ADAMTS16: variants seen among roughly 807,000 people sequenced by gnomAD.
The protein encoded by ADAMTS16 is A disintegrin and metalloproteinase with thrombospondin motifs 16.
Under a neutral mutation model 145.8 loss-of-function variants are expected in ADAMTS16, and 94 were observed. The ratio of observed to expected loss-of-function variants is 0.64; its 90% confidence interval spans 0.55 to 0.77. ADAMTS16 has a LOEUF of 0.77. Among genes scored for constraint, ADAMTS16 ranks in the 30% least tolerant of loss-of-function variants. The pLI is 0.00. For synonymous variants in ADAMTS16, 659 were observed against 604.3 expected (o/e 1.09, Z -1.33); for missense variants, 1,585 against 1,591.5 (o/e 1.00, Z 0.07).
Position 5,303,744 on chromosome 5 carries a change from G to A in ADAMTS16, c.3164G>A (p.Trp1055Ter). 1 of 1,613,190 alleles carries A rather than the reference G, an allele frequency of 6.2e-7. No homozygotes were observed. Among genetic ancestry groups the A allele is most frequent in the Non-Finnish European group, 8.5e-7 (1 of 1,180,004 alleles). ...TGCCACAAGCCCAAGAAGCTGCAGT[G>A]GCTGGTGTCCGCCTGGTCCCAGGTA... ...QRCHKPKKLQ[W>*]LVSAWSQCSV... The change falls in exon 20 of 23, where the codon TGG becomes TAG. Residue 1055 changes from tryptophan (W) to a stop codon, truncating the protein, a stop_gained. Coordinates refer to ENST00000274181, the MANE Select transcript of ADAMTS16 (RefSeq NM_139056.4). LOFTEE classifies it high-confidence loss of function.
chr5:5,228,752 A>G (rs1019245796), intron 11 of ADAMTS16, among the ~76,000 whole-genome samples: 1 of 152,238 alleles, frequency 6.6e-6, no homozygotes, highest in African/African-American at 2.4e-5. Flanking sequence ...TTCCCTTAGA[A>G]GCAAAATTTA....
intron 4 of ADAMTS16, among the ~76,000 whole-genome samples, chr5:5,183,523 G>A (rs895579814): frequency 6.6e-6 from 1 of 152,214 alleles, no homozygotes; most frequent in African/African-American, 2.4e-5. Flanking sequence ...ATCTCAGCAG[G>A]AGAGATAGCA....
At chr5:5,292,476 T>G (rs1739366411) in intron 18 of ADAMTS16, among the ~76,000 whole-genome samples, 1 of 151,214 alleles carries the variant, frequency 6.6e-6, no homozygotes, top group Non-Finnish European at 1.5e-5. Context: ...CCAGCCTGTG[T>G]GACAGAGTGG....
chr5:5,196,405 G>A (rs1421532008), intron 8 of ADAMTS16, among the ~76,000 whole-genome samples: 1 of 152,238 alleles, frequency 6.6e-6, no homozygotes, highest in African/African-American at 2.4e-5. Context: ...ACCAGTCTGG[G>A]CCTCTTCCAG....
rs1344625234 is a variant in ADAMTS16 at position 5,305,009 on chromosome 5, C to T, written c.3186+1243C>T. ...CTACACCACACACACACACACATCCCACACCACACACACACACACACATCC... is the reference window on the plus strand; with the variant it reads ...CTACACCACACACACACACACATCCTACACCACACACACACACACACATCC... On this transcript the variant is annotated intron_variant, in intron 20 of 22. Coordinates refer to ENST00000274181, the MANE Select transcript of ADAMTS16 (RefSeq NM_139056.4). Among the ~76,000 whole-genome samples, 52 of 70,670 alleles carry T rather than the reference C, an allele frequency of 7.4e-4. 1 individual carries two copies. The highest frequency in any genetic ancestry group is 1.0e-3 in the South Asian group (2 of 1,944). 46.4% of individuals were successfully genotyped at this position (70,670 alleles called of 152,430 possible).
intron 3 of ADAMTS16, among the ~76,000 whole-genome samples, chr5:5,172,163 G>A (rs1052986772): frequency 6.6e-6 from 1 of 151,762 alleles, no homozygotes; most frequent in African/African-American, 2.4e-5. Context: ...CTAGCTAAAG[G>A]TTCATCAATT....
intron 18 of ADAMTS16, among the ~76,000 whole-genome samples, chr5:5,302,102 T>C (rs921451055): frequency 2.0e-5 from 3 of 152,166 alleles, no homozygotes; most frequent in Non-Finnish European, 2.9e-5. Flanking sequence ...CCCCTTCCTC[T>C]TGACGGCCTC....
At chr5:5,250,707 C>CTGTGTGTGTGTGTGTG (rs763835441) in intron 17 of ADAMTS16, among the ~76,000 whole-genome samples, 2,442 of 148,592 alleles carry the variant, frequency 0.016, 47 homozygotes, top group Admixed American at 0.05. Flanking sequence ...TGTCTCTTCT[C>CTGTGTGTGTGTGTGTG]TCTGTGTGTG....
chr5:5,170,115 G>A (rs1289873180), intron 3 of ADAMTS16, among the ~76,000 whole-genome samples: 1 of 152,030 alleles, frequency 6.6e-6, no homozygotes, highest in Non-Finnish European at 1.5e-5. Context: ...GTTTTTTGAG[G>A]AATCTCCGAA....
intron 10 of ADAMTS16, among the ~76,000 whole-genome samples, chr5:5,217,819 C>T (rs1736479154): frequency 6.6e-6 from 1 of 152,162 alleles, no homozygotes; most frequent in Non-Finnish European, 1.5e-5. Flanking sequence ...CTTTTCTGCC[C>T]AAGTTAGGTA....
intron 9 of ADAMTS16, among the ~76,000 whole-genome samples, chr5:5,205,482 A>T (rs1277466281): frequency 6.6e-6 from 1 of 152,188 alleles, no homozygotes; most frequent in African/African-American, 2.4e-5. Flanking sequence ...TGGTCGATTG[A>T]TTATAAAATG....
At chr5:5,227,318 T>G (rs991418627) in intron 11 of ADAMTS16, among the ~76,000 whole-genome samples, 2 of 152,254 alleles carry the variant, frequency 1.3e-5, no homozygotes, top group South Asian at 4.1e-4. Flanking sequence ...GGCATCTTAC[T>G]CTCTAAGATA....
At chr5:5,216,602 T>C (rs1736447348) in intron 10 of ADAMTS16, among the ~76,000 whole-genome samples, 1 of 125,656 alleles carries the variant, frequency 8.0e-6, no homozygotes, top group Non-Finnish European at 1.6e-5. Flanking sequence ...ATTCTTTTTT[T>C]TTTTCTATTT....
chr5:5,232,048 G>T (rs182744666), intron 11 of ADAMTS16, among the ~76,000 whole-genome samples: 1 of 152,294 alleles, frequency 6.6e-6, no homozygotes, highest in Non-Finnish European at 1.5e-5. Context: ...CGACTTGGGA[G>T]TTGAACAGCC....
At chr5:5,222,001 T>G (rs1736618198) in intron 10 of ADAMTS16, among the ~76,000 whole-genome samples, 1 of 152,234 alleles carries the variant, frequency 6.6e-6, no homozygotes, top group African/African-American at 2.4e-5. Flanking sequence ...CATGTCCAGT[T>G]GAGTCTACCG....
intron 13 of ADAMTS16, among the ~76,000 whole-genome samples, chr5:5,235,693 C>A (rs1328338109): frequency 6.6e-6 from 1 of 152,098 alleles, no homozygotes; most frequent in Non-Finnish European, 1.5e-5. Context: ...AGACTTTACT[C>A]CCCAGTGGGA....
intron 3 of ADAMTS16, among the ~76,000 whole-genome samples, chr5:5,156,590 C>T (rs1722129895): frequency 6.6e-6 from 1 of 152,162 alleles, no homozygotes; most frequent in Admixed American, 6.5e-5. Context: ...GGACATTCCT[C>T]CCCCATGGTA....
At chr5:5,262,006 A>C (rs1000124447) in intron 17 of ADAMTS16, among the ~76,000 whole-genome samples, 2 of 152,194 alleles carry the variant, frequency 1.3e-5, no homozygotes, top group African/African-American at 4.8e-5. Context: ...ACCTCACTTA[A>C]GTTAAAATCC....
At position 5,310,275 on chromosome 5, in the gene ADAMTS16, ATC is replaced by A. The variant is rs2126529184; in HGVS notation, c.3411+3552_3411+3553del. ...GGACCCCACCCACACTGCGCAGCCC[ATC>A]TCTCATCCTTCCTAGCCCCCAATTC... On this transcript the variant is annotated intron_variant, in intron 21 of 22. Transcript: ENST00000274181. The surrounding 1 kb of genome is among the most constrained non-coding windows in gnomAD (Gnocchi z 4.3). 6.6e-6 allele frequency among the ~76,000 whole-genome samples: 1 copy of A among 152,044 alleles called. No homozygotes were observed. Among genetic ancestry groups the A allele is most frequent in the East Asian group, 1.9e-4 (1 of 5,154 alleles).
Sources: gnomAD v4.1 joint callset for allele counts (sites outside exome capture counted in the v4.1 genomes callset) on GRCh38, gnomAD v4.1.1 for gene constraint, Gnocchi (gnomAD v3.1) non-coding constraint, MANE v1.5 for transcripts, NCBI Gene and HGNC (gene_info 2026-07-23, HGNC 2026-07-21) for gene names.